Variants in KCNQ5 observed in about 807,000 individuals in gnomAD.
KCNQ5 encodes potassium voltage-gated channel subfamily Q member 5, also known as potassium voltage-gated channel subfamily KQT member 5.
A neutral mutation model predicts 98.2 loss-of-function variants in KCNQ5; 30 were observed. The observed-to-expected ratio is 0.31, with a 90% CI of 0.23 to 0.41. KCNQ5 has a LOEUF of 0.41. Among genes scored for constraint, KCNQ5 ranks in the 10% least tolerant of loss-of-function variants. The probability of loss-of-function intolerance (pLI) is 1.00; values close to 1 mark genes in which losing one functional copy is unlikely to be tolerated. For synonymous variants in KCNQ5, 458 were observed against 449.4 expected (o/e 1.02, Z -0.24); for missense variants, 835 against 1,182.5 (o/e 0.71, Z 4.31).
intron 11 of KCNQ5, among the ~76,000 whole-genome samples, chr6:73,179,639 C>CAAACATAAG (rs1778336270): frequency 6.6e-6 from 1 of 152,188 alleles, no homozygotes; most frequent in African/African-American, 2.4e-5. Context: ...GAGAAACCCA[C>CAAACATAAG]ATCCACCCCA....
chr6:72,961,344 C>T (rs924694210), intron 1 of KCNQ5, among the ~76,000 whole-genome samples: 3 of 151,968 alleles, frequency 2.0e-5, no homozygotes, highest in Non-Finnish European at 2.9e-5. Flanking sequence ...AGGCCGGGTG[C>T]GGTGGCTCAC....
intron 1 of KCNQ5, among the ~76,000 whole-genome samples, chr6:72,628,287 T>G (rs1233041655): frequency 6.6e-6 from 1 of 152,222 alleles, no homozygotes; most frequent in East Asian, 1.9e-4. Flanking sequence ...GATATGGGAC[T>G]AGAAGTAGGA....
chr6:72,703,267 C>T (rs1394290357), intron 1 of KCNQ5, among the ~76,000 whole-genome samples: 3 of 152,232 alleles, frequency 2.0e-5, no homozygotes, highest in African/African-American at 2.4e-5. Flanking sequence ...GCCCATGCTG[C>T]TCTTTATGTT....
At chr6:73,183,843 A>C (rs1778482364) in intron 11 of KCNQ5, among the ~76,000 whole-genome samples, 1 of 152,196 alleles carries the variant, frequency 6.6e-6, no homozygotes, top group Non-Finnish European at 1.5e-5. Context: ...TATGATGGCT[A>C]AAACAGGAGC....
chr6:73,110,081 G>T (rs757572228), intron 6 of KCNQ5, among the ~76,000 whole-genome samples: 41 of 152,076 alleles, frequency 2.7e-4, no homozygotes, highest in Admixed American at 6.5e-5. Flanking sequence ...ACAGCCTATA[G>T]CATCTTTGAA....
chr6:72,860,047 A>G (rs577638444), intron 1 of KCNQ5, among the ~76,000 whole-genome samples: 19 of 152,206 alleles, frequency 1.2e-4, no homozygotes, highest in African/African-American at 4.1e-4. Context: ...GATACTAGGC[A>G]GGACCCCAAA....
intron 1 of KCNQ5, among the ~76,000 whole-genome samples, chr6:72,949,282 C>A (rs760120482): frequency 6.6e-6 from 1 of 152,124 alleles, no homozygotes; most frequent in Non-Finnish European, 1.5e-5. Flanking sequence ...GCTTTTGGCT[C>A]TCATGGTCTA....
At chr6:72,922,729 G>A (rs1780455796) in intron 1 of KCNQ5, among the ~76,000 whole-genome samples, 1 of 151,650 alleles carries the variant, frequency 6.6e-6, no homozygotes, top group Admixed American at 6.6e-5. Flanking sequence ...TTTGGCAAAT[G>A]ACTAGATTTC....
At chr6:72,945,428 G>C (rs377381863) in intron 1 of KCNQ5, among the ~76,000 whole-genome samples, 1 of 103,044 alleles carries the variant, frequency 9.7e-6, no homozygotes, top group Admixed American at 1.4e-4. Context: ...GACAGGCCCC[G>C]GTGTGTGATG....
At chr6:72,671,816 A>AT (rs564634608) in intron 1 of KCNQ5, among the ~76,000 whole-genome samples, 198 of 148,798 alleles carry the variant, frequency 1.3e-3, no homozygotes, top group African/African-American at 2.4e-3. Context: ...ATCACCAGAA[A>AT]TTTTTTTTTT....
chr6:73,078,359 T>C (rs956018858), intron 5 of KCNQ5, among the ~76,000 whole-genome samples: 8 of 152,092 alleles, frequency 5.3e-5, no homozygotes, highest in African/African-American at 1.2e-4. Context: ...TCAGAGATTA[T>C]AGTCACCTAA....
intron 1 of KCNQ5, among the ~76,000 whole-genome samples, chr6:72,685,909 A>C (rs1461167314): frequency 6.6e-6 from 1 of 152,200 alleles, no homozygotes; most frequent in Non-Finnish European, 1.5e-5. Flanking sequence ...AAAGTCCTAG[A>C]TCAAGATGCC....
At chr6:73,083,353 A>T (rs938403489) in intron 5 of KCNQ5, among the ~76,000 whole-genome samples, 4 of 152,192 alleles carry the variant, frequency 2.6e-5, no homozygotes, top group African/African-American at 9.6e-5. Context: ...AAAATACTAA[A>T]TATGCTAAAA....
chr6:72,664,484 TCTCTA>T (rs1357594364), intron 1 of KCNQ5, among the ~76,000 whole-genome samples: 1 of 150,786 alleles, frequency 6.6e-6, no homozygotes, highest in Non-Finnish European at 1.5e-5. Context: ...TAAAGCCCTG[TCTCTA>T]CTAGAAAAAA....
At chr6:72,896,115 A>G (rs1056541510) in intron 1 of KCNQ5, among the ~76,000 whole-genome samples, 1 of 152,214 alleles carries the variant, frequency 6.6e-6, no homozygotes, top group African/African-American at 2.4e-5. Context: ...AAATTATAAT[A>G]AAGTACCCAA....
intron 10 of KCNQ5, among the ~76,000 whole-genome samples, chr6:73,149,806 AAGAGAG>A (rs202152420): frequency 1.4e-4 from 20 of 144,234 alleles, no homozygotes; most frequent in African/African-American, 3.9e-4. Flanking sequence ...AAAAAAAAAA[AAGAGAG>A]AGAGAGAGAG....
Position 72,635,681 on chromosome 6 carries a change from T to G in KCNQ5, c.398+13094T>G, listed in dbSNP as rs574788850. Among the ~76,000 whole-genome samples, 17 of 149,042 alleles carry G rather than the reference T, an allele frequency of 1.1e-4. No individual in the cohort carries two copies. In the East Asian group the frequency reaches 2.5e-3, roughly 22 times the overall value. On this transcript the variant is annotated intron_variant, in intron 1 of 13. Coordinates refer to ENST00000370398, the MANE Select transcript of KCNQ5 (RefSeq NM_019842.4). ...TTAAATTGCTCCTAGTTTTTTTTTT[T>G]TTTTTTTTTTTTTCCTTTCTCTCTG...
intron 1 of KCNQ5, among the ~76,000 whole-genome samples, chr6:72,756,178 A>T (rs1771959478): frequency 6.6e-6 from 1 of 152,318 alleles, no homozygotes; most frequent in South Asian, 2.1e-4. Flanking sequence ...ATGCTTTGCC[A>T]AAGATTAAAT....
At chr6:72,960,417 T>A (rs1222154971) in intron 1 of KCNQ5, among the ~76,000 whole-genome samples, 1 of 152,102 alleles carries the variant, frequency 6.6e-6, no homozygotes, top group African/African-American at 2.4e-5. Context: ...GTTGTTGTTG[T>A]TGTTGTTGTT....
Sources: gnomAD v4.1 joint callset for allele counts (sites outside exome capture counted in the v4.1 genomes callset) on GRCh38, gnomAD v4.1.1 for gene constraint, MANE v1.5 for transcripts, NCBI Gene and HGNC (gene_info 2026-07-23, HGNC 2026-07-21) for gene names.